The following DACH2 variants were observed in gnomAD, a reference collection of about 807,000 sequenced individuals.
DACH2 encodes dachshund family transcription factor 2.
A neutral mutation model predicts 35.8 loss-of-function variants in DACH2; 17 were observed. That is an observed-to-expected ratio of 0.48 (90% CI 0.33 to 0.71). The LOEUF (loss-of-function observed/expected upper bound fraction) is 0.71. Ranked by LOEUF, DACH2 falls within the 30% of genes least tolerant of loss-of-function variation. The probability of loss-of-function intolerance (pLI) is 0.02; values close to 1 mark genes in which losing one functional copy is unlikely to be tolerated. For synonymous variants in DACH2, 195 were observed against 177.3 expected (o/e 1.10, Z -0.79); for missense variants, 469 against 472.7 (o/e 0.99, Z 0.07).
chrX:86,398,512 C>G (rs1410803594), intron 2 of DACH2, among the ~76,000 whole-genome samples: 2 of 111,988 alleles, frequency 1.8e-5, no homozygotes, highest in Non-Finnish European at 3.8e-5. Context: ...TTCCTGCTTT[C>G]TCCTGTGGGC....
At chrX:86,511,449 G>A (rs1399572610) in intron 2 of DACH2, among the ~76,000 whole-genome samples, 5 of 111,456 alleles carry the variant, frequency 4.5e-5, no homozygotes, top group African/African-American at 1.3e-4. Context: ...AAACAAGTTT[G>A]GAAGCAGGGA....
chrX:86,724,169 G>A (rs2041439276), intron 6 of DACH2, among the ~76,000 whole-genome samples: 2 of 110,733 alleles, frequency 1.8e-5, no homozygotes, highest in South Asian at 7.4e-4. Context: ...CTTTTAATTG[G>A]TTTTATAAAT....
At chrX:86,648,760 T>A (rs2040443734) in intron 3 of DACH2, among the ~76,000 whole-genome samples, 1 of 110,801 alleles carries the variant, frequency 9.0e-6, no homozygotes, top group South Asian at 3.7e-4. Flanking sequence ...ATCTCAATTG[T>A]ACCTCTGTAA....
chrX:86,277,196 A>C (rs1216273806), intron 1 of DACH2, among the ~76,000 whole-genome samples: 2 of 111,070 alleles, frequency 1.8e-5, no homozygotes, highest in African/African-American at 6.5e-5. Context: ...TGTCTTCTTT[A>C]ATTTCTTTTA....
intron 3 of DACH2, among the ~76,000 whole-genome samples, chrX:86,593,619 G>T (rs988158321): frequency 1.8e-5 from 2 of 108,124 alleles, no homozygotes; most frequent in African/African-American, 6.8e-5. Flanking sequence ...TAGAGATGGG[G>T]TTTCACCATG....
At position 86,301,441 on chromosome X, in the gene DACH2, T is replaced by TA. The variant is rs749602367; in HGVS notation, c.489-75375dup. Among the ~76,000 whole-genome samples, 19 of 111,379 alleles carry TA rather than the reference T, an allele frequency of 1.7e-4. No homozygotes were observed. The South Asian group carries it at 1.9e-3, about 11-fold the overall frequency. ...TTCAAGGAAGATTATTCTTGAAATA[T>TA]AAAAAAAACTGCCCTGTGGTCAATG... On this transcript the variant is annotated intron_variant, in intron 1 of 11. Coordinates refer to ENST00000373125, the MANE Select transcript of DACH2 (RefSeq NM_053281.3).
intron 2 of DACH2, among the ~76,000 whole-genome samples, chrX:86,504,112 A>G (rs1381148580): frequency 1.8e-5 from 2 of 110,348 alleles, no homozygotes; most frequent in East Asian, 2.8e-4. Context: ...CCTTTTGTAC[A>G]TTATTACATT....
chrX:86,385,121 G>GT (rs1432584186), intron 2 of DACH2, among the ~76,000 whole-genome samples: 1 of 111,562 alleles, frequency 9.0e-6, no homozygotes, highest in Non-Finnish European at 1.9e-5. Context: ...GATCTGTATT[G>GT]TTTTGTTGCT....
At chrX:86,654,187 TAAAAAAAAAAAA>T (rs764775335) in intron 4 of DACH2, among the ~76,000 whole-genome samples, 8 of 40,451 alleles carry the variant, frequency 2.0e-4, no homozygotes, top group African/African-American at 5.6e-4. Flanking sequence ...ACATTTTTAG[TAAAAAAAAAAAA>T]AAAAAAAAAA....
intron 1 of DACH2, among the ~76,000 whole-genome samples, chrX:86,310,940 C>T (rs1054910355): frequency 6.3e-5 from 7 of 111,159 alleles, no homozygotes; most frequent in African/African-American, 2.3e-4. Context: ...AACAAAGAGG[C>T]CATGGTGGCA....
At chrX:86,606,535 A>G (rs1194171942) in intron 3 of DACH2, among the ~76,000 whole-genome samples, 2 of 110,678 alleles carry the variant, frequency 1.8e-5, no homozygotes, top group Non-Finnish European at 3.8e-5. Context: ...GTTTTCTTTT[A>G]TTGTGGCCAG....
intron 2 of DACH2, among the ~76,000 whole-genome samples, chrX:86,475,409 C>A (rs971837496): frequency 1.8e-5 from 2 of 111,305 alleles, no homozygotes; most frequent in Admixed American, 1.9e-4. Context: ...TCCTTCACTT[C>A]TTTGATTAAT....
At chrX:86,713,754 G>A (rs2041304375) in intron 5 of DACH2, among the ~76,000 whole-genome samples, 1 of 111,582 alleles carries the variant, frequency 9.0e-6, no homozygotes, top group African/African-American at 3.3e-5. Flanking sequence ...GGGATAAGTA[G>A]ACAACGATTT....
At chrX:86,397,714 A>G (rs1389409254) in intron 2 of DACH2, among the ~76,000 whole-genome samples, 1 of 111,711 alleles carries the variant, frequency 9.0e-6, no homozygotes, top group Non-Finnish European at 1.9e-5. Flanking sequence ...CCTATGTTGA[A>G]CCAGCCTTGC....
intron 2 of DACH2, among the ~76,000 whole-genome samples, chrX:86,400,324 CA>C (rs2036400256): frequency 9.0e-6 from 1 of 110,715 alleles, no homozygotes; most frequent in African/African-American, 3.3e-5. Context: ...GCGATTGGTT[CA>C]AACTTCCTCC....
chrX:86,193,785 C>G (rs1459267180), intron 1 of DACH2, among the ~76,000 whole-genome samples: 1 of 110,787 alleles, frequency 9.0e-6, no homozygotes, highest in Non-Finnish European at 1.9e-5. Context: ...GTACTAAGAA[C>G]TCTTTCAGAT....
intron 2 of DACH2, among the ~76,000 whole-genome samples, chrX:86,439,434 A>G (rs1556153808): frequency 9.0e-6 from 1 of 111,064 alleles, no homozygotes; most frequent in East Asian, 2.8e-4. Flanking sequence ...TTTTGTTTTT[A>G]TTGTCTGTGC....
intron 4 of DACH2, among the ~76,000 whole-genome samples, chrX:86,672,250 AT>A (rs1050341037): frequency 1.8e-5 from 2 of 112,363 alleles, no homozygotes; most frequent in African/African-American, 6.5e-5. Flanking sequence ...AGTTTGGAAA[AT>A]TTACAGCCTG....
intron 1 of DACH2, among the ~76,000 whole-genome samples, chrX:86,315,633 G>C (rs920161354): frequency 1.8e-5 from 2 of 111,393 alleles, no homozygotes; most frequent in Non-Finnish European, 3.8e-5. Context: ...ACATCAATAG[G>C]AGTTTGTAAA....
Sources: allele counts gnomAD v4.1 joint callset (sites outside exome capture counted in the v4.1 genomes callset), GRCh38; gene constraint gnomAD v4.1.1; transcripts MANE v1.5; gene names NCBI Gene and HGNC (gene_info 2026-07-23, HGNC 2026-07-21).